The following EPHA8 variants were observed in gnomAD, a reference collection of about 807,000 sequenced individuals.
The protein encoded by EPHA8 is EPH receptor A8, also known as ephrin type-A receptor 8.
Under a neutral mutation model 103.6 loss-of-function variants are expected in EPHA8, and 58 were observed. The observed-to-expected ratio is 0.56, with a 90% CI of 0.45 to 0.70. EPHA8 has a LOEUF of 0.70. EPHA8 is among the 30% of genes least tolerant of loss of function. EPHA8 has a pLI of 0.00. For missense variants in EPHA8, 1,304 were observed against 1,395.2 expected, an observed-to-expected ratio of 0.93 and a Z score of 1.04; for synonymous variants, 559 against 572.5, an observed-to-expected ratio of 0.98 and a Z score of 0.34.
intron 5 of EPHA8, among the ~76,000 whole-genome samples, chr1:22,591,062 A>C (rs1182284767): frequency 6.6e-6 from 1 of 151,578 alleles, no homozygotes; most frequent in Non-Finnish European, 1.5e-5. Flanking sequence ...CCCCCACAAG[A>C]CATTCTCCAC....
chr1:22,576,717 G>A lies in EPHA8; in HGVS notation c.660G>A (p.Gly220=). ...NLAAFSEAVT[G]ADSSSLVEVR... ...CTGCCTTCTCGGAGGCAGTGACGGG[G>A]GCCGACTCGTCCTCACTGGTGGAGG... Residue 220 remains glycine, a synonymous_variant, in exon 3 of 17, where the codon GGG becomes GGA. Transcript: ENST00000166244. This position sits in a 1 kb window ranked among gnomAD's most constrained non-coding sequence, Gnocchi z 4.8. 6.2e-7 allele frequency: 1 copy of A among 1,613,866 alleles called. No homozygotes were observed. The highest frequency in any genetic ancestry group is 8.5e-7 in the Non-Finnish European group (1 of 1,180,042).
rs915635480 is a variant in EPHA8 at position 22,602,650 on chromosome 1, C to CTTT, written c.*909_*910insTTT. ...CCTCCACGGCCCAGGTCTCCTCACT[C>CTTT]AAAGTCCCTTCGCCAACCTTTCAAT... On this transcript the variant is annotated 3_prime_UTR_variant, in exon 17 of 17. Transcript: ENST00000166244. 1 of 153,026 alleles carries CTTT rather than the reference C, an allele frequency of 6.5e-6. No homozygotes were observed. The highest frequency in any genetic ancestry group is 6.5e-5 in the Admixed American group (1 of 15,300). 9.5% of individuals were successfully genotyped at this position (153,026 alleles called of 1,614,324 possible). A position where few individuals can be genotyped will look rare whatever the true frequency, so the allele number is the denominator to read the frequency against.
chr1:22,566,789 C>T (rs1341839723), intron 1 of EPHA8, among the ~76,000 whole-genome samples: 1 of 152,128 alleles, frequency 6.6e-6, no homozygotes, highest in Non-Finnish European at 1.5e-5. Flanking sequence ...CTTCAGCACT[C>T]ATCAAACCTC....
In EPHA8 at chr1:22,576,397, G is replaced by T; in HGVS notation, c.340G>T (p.Val114Leu). ...TLRDCNSMPG[V>L]LGTCKETFNL... Reference sequence around the variant, plus strand: ...GCGCGACTGCAACAGCATGCCTGGTGTGCTGGGCACCTGCAAGGAGACCTT... The same window carrying T: ...GCGCGACTGCAACAGCATGCCTGGTTTGCTGGGCACCTGCAAGGAGACCTT... The change falls in exon 3 of 17, where the codon GTG becomes TTG. Residue 114 changes from valine to leucine, a missense_variant. Physicochemically the swap from Val to Leu is conservative, Grantham distance 32 (BLOSUM62 1). Transcript: ENST00000166244. This position sits in a 1 kb window ranked among gnomAD's most constrained non-coding sequence, Gnocchi z 4.8. The T allele has an allele frequency of 1.2e-6, 2 of 1,613,928 alleles. No homozygotes were observed. Among genetic ancestry groups the T allele is most frequent in the African/African-American group, 1.3e-5 (1 of 75,048 alleles).
chr1:22,595,335 G>T lies in EPHA8; in HGVS notation c.1697+12G>T. The T allele has an allele frequency of 6.2e-7, 1 of 1,604,482 alleles. No homozygotes were observed. Among genetic ancestry groups the T allele is most frequent in the Non-Finnish European group, 8.5e-7 (1 of 1,175,614 alleles). ...ATCTGCAAGAAGAGGTGGGTGGTCTGGCCCAGCCACACCCAGCCCCTCCTC... is the reference window on the plus strand; with the variant it reads ...ATCTGCAAGAAGAGGTGGGTGGTCTTGCCCAGCCACACCCAGCCCCTCCTC... On this transcript the variant is annotated intron_variant, in intron 8 of 16. Coordinates refer to ENST00000166244, the MANE Select transcript of EPHA8 (RefSeq NM_020526.5).
At chr1:22,593,173 C>G (rs1330069049) in intron 5 of EPHA8, among the ~76,000 whole-genome samples, 153 bp from the exon 6 acceptor site, 2 of 152,200 alleles carry the variant, frequency 1.3e-5, no homozygotes, top group Non-Finnish European at 2.9e-5. Context: ...GTTGGGAGAA[C>G]TGGAGGGTGC....
At chr1:22,577,813 C>G (rs1640757390) in intron 3 of EPHA8, among the ~76,000 whole-genome samples, 1 of 142,302 alleles carries the variant, frequency 7.0e-6, no homozygotes, top group Admixed American at 7.0e-5. Context: ...TGTATGTGTG[C>G]ATGTGTGTGC....
intron 3 of EPHA8, among the ~76,000 whole-genome samples, chr1:22,579,430 T>G (rs185803824): frequency 6.7e-6 from 1 of 150,276 alleles, no homozygotes; most frequent in East Asian, 2.0e-4. Context: ...GTGCATGTGT[T>G]TGCATGTGTG....
intron 3 of EPHA8, among the ~76,000 whole-genome samples, chr1:22,583,324 C>A (rs1165043281): frequency 6.6e-6 from 1 of 152,216 alleles, no homozygotes; most frequent in Non-Finnish European, 1.5e-5. Context: ...ATTTTATTTT[C>A]ATTGCGTGGA....
chr1:22,601,588 T>G (rs1410066420), intron 16 of EPHA8, 39 bp from the exon 17 acceptor site: 1 of 1,582,074 alleles, frequency 6.3e-7, no homozygotes, highest in Admixed American at 1.8e-5. Context: ...GCTCCCAGCC[T>G]CCCAGGCCCA....
chr1:22,599,113 G>A (rs1243972671), intron 13 of EPHA8, 66 bp downstream of exon 13: 162 of 1,509,526 alleles, frequency 1.1e-4, no homozygotes, highest in Non-Finnish European at 1.4e-4. Context: ...GGCACCCAGG[G>A]CCCAACCATT....
At chr1:22,574,357 G>T (rs575108176) in intron 2 of EPHA8, among the ~76,000 whole-genome samples, 2 of 152,170 alleles carry the variant, frequency 1.3e-5, no homozygotes, top group Admixed American at 6.5e-5. Flanking sequence ...CTTTTTAAGC[G>T]CACACCTTGG....
At chr1:22,586,317 G>C (rs1641204028) in intron 3 of EPHA8, among the ~76,000 whole-genome samples, 163 bp from the exon 4 acceptor site, 1 of 152,116 alleles carries the variant, frequency 6.6e-6, no homozygotes, top group Admixed American at 6.5e-5. Flanking sequence ...CTGCACTTCA[G>C]TTCTGCCCTC....
In EPHA8 at chr1:22,567,619, G is replaced by C. The variant is rs188872684; in HGVS notation, c.95-1670G>C. Among the ~76,000 whole-genome samples, 1 of 152,302 alleles carries C rather than the reference G, an allele frequency of 6.6e-6. No individual in the cohort carries two copies. The highest frequency in any genetic ancestry group is 1.5e-5 in the Non-Finnish European group (1 of 68,026). On this transcript the variant is annotated intron_variant, in intron 1 of 16. Coordinates refer to ENST00000166244, the MANE Select transcript of EPHA8 (RefSeq NM_020526.5). The surrounding 1 kb of genome is among the most constrained non-coding windows in gnomAD (Gnocchi z 4.2). Reference sequence around the variant, plus strand: ...GGCCTCCTTCAGGGTCCCTGACGGTGGGGTGGGGAGGGTGAGAGGCAGGAG... The same window carrying C: ...GGCCTCCTTCAGGGTCCCTGACGGTCGGGTGGGGAGGGTGAGAGGCAGGAG...
At chr1:22,594,954 G>A (rs910680966) in intron 7 of EPHA8, among the ~76,000 whole-genome samples, 3 of 152,190 alleles carry the variant, frequency 2.0e-5, no homozygotes, top group African/African-American at 7.2e-5. Context: ...CAGAGGACAC[G>A]CGACTCTTCT....
chr1:22,570,941 G>T (rs577586662), intron 2 of EPHA8, among the ~76,000 whole-genome samples: 2 of 152,262 alleles, frequency 1.3e-5, no homozygotes, highest in African/African-American at 4.8e-5. Flanking sequence ...TCCCCCCGTG[G>T]CAGGGTTCCA....
rs1640365765 is a variant in EPHA8, at chr1:22,566,586, C to T, written c.95-2703C>T. ...GGCAGAGGGGTTAAGTGCTTCGCTT[C>T]ACTGAAGGGCCCTAGGAGACCATGG... On this transcript the variant is annotated intron_variant, in intron 1 of 16. Coordinates refer to ENST00000166244, the MANE Select transcript of EPHA8 (RefSeq NM_020526.5). 2.0e-5 allele frequency among the ~76,000 whole-genome samples: 3 copies of T among 152,194 alleles called. No homozygotes were observed. The South Asian group carries it at 6.2e-4, about 31-fold the overall frequency.
chr1:22,579,103 ATG>A (rs1337872923), intron 3 of EPHA8, among the ~76,000 whole-genome samples: 21 of 97,546 alleles, frequency 2.2e-4, no homozygotes, highest in Admixed American at 3.5e-4. Context: ...GTGCATGTGT[ATG>A]TGTGCATGTG....
At chr1:22,585,027 C>CTCTG (rs1037039744) in intron 3 of EPHA8, among the ~76,000 whole-genome samples, 1 of 147,464 alleles carries the variant, frequency 6.8e-6, no homozygotes, top group African/African-American at 2.5e-5. Context: ...GGTCGTTTCT[C>CTCTG]TGTGTGTGTG....
Sources: gnomAD v4.1 joint callset for allele counts (sites outside exome capture counted in the v4.1 genomes callset) on GRCh38, gnomAD v4.1.1 for gene constraint, Gnocchi (gnomAD v3.1) non-coding constraint, MANE v1.5 for transcripts, NCBI Gene and HGNC (gene_info 2026-07-23, HGNC 2026-07-21) for gene names.